Variants in PCDHGB5 observed in about 807,000 individuals in gnomAD.
PCDHGB5 encodes the protein protocadherin gamma subfamily B, 5.
Under a neutral mutation model 62.9 loss-of-function variants are expected in PCDHGB5, and 48 were observed. That is an observed-to-expected ratio of 0.76 (90% confidence interval 0.61 to 0.97). The LOEUF is 0.97. Among genes scored for constraint, PCDHGB5 ranks in the 50% least tolerant of loss-of-function variants. PCDHGB5 has a pLI of 0.00. For missense variants in PCDHGB5, 1,118 were observed against 1,198.6 expected, an observed-to-expected ratio of 0.93 and a Z score of 0.99; for synonymous variants, 474 against 511.2, an observed-to-expected ratio of 0.93 and a Z score of 0.98.
At chr5:141,413,931 A>T (rs776911095) in intron 1 of PCDHGB5, 1 of 1,613,254 alleles carries the variant, frequency 6.2e-7, no homozygotes, top group Non-Finnish European at 8.5e-7. Flanking sequence ...CAGAATACCG[A>T]GTGAGTGTTC....
intron 1 of PCDHGB5, chr5:141,422,741 A>G (rs1319821802): frequency 6.2e-7 from 1 of 1,610,084 alleles, no homozygotes; most frequent in Non-Finnish European, 8.5e-7. Flanking sequence ...CTGTCCTCCT[A>G]TGTCTCTATT....
chr5:141,458,624 C>G (rs1382508302), intron 1 of PCDHGB5, among the ~76,000 whole-genome samples: 1 of 152,082 alleles, frequency 6.6e-6, no homozygotes, highest in East Asian at 1.9e-4. Context: ...GGCTGGAGTG[C>G]AGTGGCACAA....
chr5:141,471,394 G>A (rs1349459242), intron 1 of PCDHGB5: 1 of 152,056 alleles, frequency 6.6e-6, no homozygotes, highest in Non-Finnish European at 1.5e-5. Context: ...TACAAGTTAC[G>A]TAGCTAGGCT....
In PCDHGB5 at chr5:141,431,048, A is replaced by G; in HGVS notation, c.2397+30524A>G. The G allele has an allele frequency of 6.2e-7, 1 of 1,614,180 alleles. No homozygotes were observed. Among genetic ancestry groups the G allele is most frequent in the Non-Finnish European group, 8.5e-7 (1 of 1,180,018 alleles). The stretch of plus-strand genomic sequence containing the variant: ...CAGGATAGACCGGGAGGAGCTCTGT[A>G]TGGGGGCCATCAAGTGTCAATTAAA... On this transcript the variant is annotated intron_variant, in intron 1 of 3. Coordinates refer to ENST00000617380, the MANE Select transcript of PCDHGB5 (RefSeq NM_018925.3). This position sits in a 1 kb window ranked among gnomAD's most constrained non-coding sequence, Gnocchi z 4.8.
At chr5:141,445,254 AAT>A (rs1214840265) in intron 1 of PCDHGB5, among the ~76,000 whole-genome samples, 49 of 152,350 alleles carry the variant, frequency 3.2e-4, no homozygotes, top group Non-Finnish European at 5.9e-5. Context: ...ATTGTGTGAG[AAT>A]ATAAGTCGAA....
intron 1 of PCDHGB5, chr5:141,415,153 G>T: frequency 2.5e-6 from 4 of 1,613,780 alleles, no homozygotes; most frequent in Non-Finnish European, 3.4e-6. Context: ...CCCTCTCTCC[G>T]CCACTGTCAC....
At position 141,413,736 on chromosome 5, in the gene PCDHGB5, G is replaced by A. The variant is rs189162146; in HGVS notation, c.2397+13212G>A. The A allele has an allele frequency of 1.9e-4, 309 of 1,613,452 alleles. No individual in the cohort carries two copies. In the African/African-American group the frequency reaches 3.0e-3, roughly 16 times the overall value. On this transcript the variant is annotated intron_variant, in intron 1 of 3. Coordinates refer to ENST00000617380, the MANE Select transcript of PCDHGB5 (RefSeq NM_018925.3). Reference sequence around the variant, plus strand: ...ATAAGCACTTCTCCCTAAGAGTTCAGAGCCGTGCCAATGGCGTCAAGTACC... The same window carrying A: ...ATAAGCACTTCTCCCTAAGAGTTCAAAGCCGTGCCAATGGCGTCAAGTACC...
chr5:141,510,984 C>G lies in PCDHGB5; in HGVS notation c.2583C>G (p.Ala861=). ...ADGSSTLGGG[A]GTMGLSARYG... ...GGAGCTCCACCCTGGGAGGGGGTGC[C>G]GGCACCATGGGATTGAGCGCCCGCT... The change falls in exon 4 of 4, where the codon GCC becomes GCG. Residue 861 remains alanine (A), a synonymous_variant. Transcript: ENST00000617380. The G allele has an allele frequency of 1.2e-6, 2 of 1,614,162 alleles. No homozygotes were observed. The highest frequency in any genetic ancestry group is 1.7e-6 in the Non-Finnish European group (2 of 1,180,012).
rs534816363 is a variant in PCDHGB5, at chr5:141,456,234, G to T, written c.2398-38573G>T. Among the ~76,000 whole-genome samples the T allele has an allele frequency of 2.2e-4, 33 of 152,224 alleles. 1 individual carries two copies. The South Asian group carries it at 6.9e-3, about 32-fold the overall frequency. On this transcript the variant is annotated intron_variant, in intron 1 of 3. Transcript: ENST00000617380. ...CTGTGGCGATATCAAACTAACTGCT[G>T]TTAGGAGGCTTTGGGCGACCATTGC...
At chr5:141,441,962 G>A in intron 1 of PCDHGB5, 1 of 313,768 alleles carries the variant, frequency 3.2e-6, no homozygotes, top group Admixed American at 4.1e-5. Context: ...AGCAAGCCCA[G>A]GCTCTTCAGC....
At position 141,431,566 on chromosome 5, in the gene PCDHGB5, T is replaced by G; in HGVS notation, c.2397+31042T>G. ...TGCTTGTAGTCAACGCTACCGACCCTGACGAAGGAGTCAATGCGGAAGTGA... is the reference window on the plus strand; with the variant it reads ...TGCTTGTAGTCAACGCTACCGACCCGGACGAAGGAGTCAATGCGGAAGTGA... On this transcript the variant is annotated intron_variant, in intron 1 of 3. Transcript: ENST00000617380. This position sits in a 1 kb window ranked among gnomAD's most constrained non-coding sequence, Gnocchi z 4.8. 6.2e-7 allele frequency: 1 copy of G among 1,614,128 alleles called. No homozygotes were observed. The highest frequency in any genetic ancestry group is 1.1e-5 in the South Asian group (1 of 91,088).
intron 1 of PCDHGB5, chr5:141,414,597 C>G: frequency 6.2e-7 from 1 of 1,613,972 alleles, no homozygotes; most frequent in South Asian, 1.1e-5. Context: ...GGGGTGCCTC[C>G]ATCTTCTCAG....
intron 1 of PCDHGB5, among the ~76,000 whole-genome samples, chr5:141,472,924 T>G (rs1247655318): frequency 2.0e-5 from 3 of 147,960 alleles, no homozygotes; most frequent in African/African-American, 7.5e-5. Flanking sequence ...AGGAGGAGGT[T>G]GTGGTGAGCC....
At chr5:141,473,750 G>C (rs777343462) in intron 1 of PCDHGB5, among the ~76,000 whole-genome samples, 1 of 152,192 alleles carries the variant, frequency 6.6e-6, no homozygotes, top group Non-Finnish European at 1.5e-5. Context: ...TGAGAACTTG[G>C]ATACTATGCA....
At chr5:141,418,357 G>T (rs375883635) in intron 1 of PCDHGB5, 2 of 1,613,864 alleles carry the variant, frequency 1.2e-6, no homozygotes, top group African/African-American at 2.7e-5. Flanking sequence ...GTATGAATTC[G>T]CTGAGCAAAT....
rs772807357 is a variant in PCDHGB5, at chr5:141,431,758, C to G, written c.2397+31234C>G. On this transcript the variant is annotated intron_variant, in intron 1 of 3. Transcript: ENST00000617380. This position sits in a 1 kb window ranked among gnomAD's most constrained non-coding sequence, Gnocchi z 4.8. ...CAGGATATTCTGCGCGAGCCAAAGTCCTGATCACTGTTCTGGACGTGAACG... is the reference window on the plus strand; with the variant it reads ...CAGGATATTCTGCGCGAGCCAAAGTGCTGATCACTGTTCTGGACGTGAACG... 2.0e-5 allele frequency: 32 copies of G among 1,614,054 alleles called. No individual in the cohort carries two copies. The highest frequency in any genetic ancestry group is 2.6e-5 in the Non-Finnish European group (31 of 1,180,028).
chr5:141,450,479 G>GTTTT (rs1165567597), intron 1 of PCDHGB5, among the ~76,000 whole-genome samples: 124 of 152,020 alleles, frequency 8.2e-4, no homozygotes, highest in African/African-American at 2.9e-3. Flanking sequence ...GAGTTTGTTT[G>GTTTT]TTTGTTTGTC....
chr5:141,431,725 G>A lies in PCDHGB5; in HGVS notation c.2397+31201G>A. The A allele has an allele frequency of 6.2e-7, 1 of 1,614,230 alleles. No individual in the cohort carries two copies. Among genetic ancestry groups the A allele is most frequent in the Non-Finnish European group, 8.5e-7 (1 of 1,180,044 alleles). On this transcript the variant is annotated intron_variant, in intron 1 of 3. Coordinates refer to ENST00000617380, the MANE Select transcript of PCDHGB5 (RefSeq NM_018925.3). The surrounding 1 kb of genome is among the most constrained non-coding windows in gnomAD (Gnocchi z 4.8). Reference sequence around the variant, plus strand: ...TCTACCAGATGGAAGTGCAAGCAATGGATAATGCAGGATATTCTGCGCGAG... The same window carrying A: ...TCTACCAGATGGAAGTGCAAGCAATAGATAATGCAGGATATTCTGCGCGAG...
intron 1 of PCDHGB5, chr5:141,410,295 T>G (rs1043971768): frequency 9.3e-6 from 15 of 1,613,864 alleles, no homozygotes; most frequent in Non-Finnish European, 1.3e-5. Context: ...GCCTTGGCCT[T>G]AATCTCAGTG....
Sources: gnomAD v4.1 joint callset for allele counts (sites outside exome capture counted in the v4.1 genomes callset) on GRCh38, gnomAD v4.1.1 for gene constraint, Gnocchi (gnomAD v3.1) non-coding constraint, MANE v1.5 for transcripts, NCBI Gene and HGNC (gene_info 2026-07-23, HGNC 2026-07-21) for gene names.